The following BACH2 variants were observed in gnomAD, a reference collection of about 807,000 sequenced individuals.
BACH2 encodes the protein transcription regulator protein BACH2.
BACH2 carries 5 observed loss-of-function variants against 61.8 expected under a neutral mutation model. The observed-to-expected ratio is 0.08, with a 90% CI of 0.04 to 0.17. BACH2 has a LOEUF of 0.17. Among genes scored for constraint, BACH2 ranks in the 10% least tolerant of loss-of-function variants. The probability of loss-of-function intolerance (pLI) is 1.00; values close to 1 mark genes in which losing one functional copy is unlikely to be tolerated. For missense variants in BACH2, 824 were observed against 1,091.1 expected, an observed-to-expected ratio of 0.76 and a Z score of 3.45; for synonymous variants, 446 against 440.1, an observed-to-expected ratio of 1.01 and a Z score of -0.17.
In BACH2 at chr6:90,083,674, C is replaced by T. The variant is rs76545744; in HGVS notation, c.-13+5287G>A. ...GAGTGCTTAACATAAACAGAACATT[C>T]AACATTTAACCTCTGGCACTGGAAA... On this transcript the variant is annotated intron_variant, in intron 5 of 8. Transcript: ENST00000257749. Among the ~76,000 whole-genome samples, 885 of 152,174 alleles carry T rather than the reference C, an allele frequency of 5.8e-3. 51 individuals carry two copies. In the East Asian group the frequency reaches 0.13, roughly 23 times the overall value.
chr6:90,054,753 C>T (rs547677218), intron 5 of BACH2, among the ~76,000 whole-genome samples: 13 of 152,270 alleles, frequency 8.5e-5, no homozygotes, highest in South Asian at 2.1e-4. Flanking sequence ...CTCACACAGC[C>T]GGGTACTCCT....
At chr6:90,249,860 T>C (rs1304466517) in intron 3 of BACH2, among the ~76,000 whole-genome samples, 1 of 152,206 alleles carries the variant, frequency 6.6e-6, no homozygotes, top group Non-Finnish European at 1.5e-5. Context: ...ACCAAGAATT[T>C]GTATTTGTTC....
chr6:90,044,421 C>A (rs564644262), intron 5 of BACH2, among the ~76,000 whole-genome samples: 3 of 152,126 alleles, frequency 2.0e-5, no homozygotes, highest in African/African-American at 7.2e-5. Flanking sequence ...TAGTGGCCAG[C>A]GAAAGCTGCA....
chr6:90,271,643 G>A (rs918156371), intron 2 of BACH2, among the ~76,000 whole-genome samples: 1 of 152,166 alleles, frequency 6.6e-6, no homozygotes, highest in South Asian at 2.1e-4. Context: ...AAGAAAAAAT[G>A]CTCAACATCT....
At chr6:90,282,604 G>A (rs1310791266) in intron 1 of BACH2, among the ~76,000 whole-genome samples, 5 of 151,882 alleles carry the variant, frequency 3.3e-5, no homozygotes, top group Admixed American at 2.6e-4. Context: ...GAATAGTGCC[G>A]CAACGAACAT....
chr6:90,295,423 A>G (rs536482531), intron 1 of BACH2, among the ~76,000 whole-genome samples: 14 of 152,110 alleles, frequency 9.2e-5, no homozygotes, highest in Middle Eastern at 6.8e-3. Flanking sequence ...GCTTGGCCAG[A>G]CCGAGGTCGC....
At chr6:90,030,112 C>G (rs1315114074) in intron 5 of BACH2, among the ~76,000 whole-genome samples, 3 of 152,200 alleles carry the variant, frequency 2.0e-5, no homozygotes, top group Admixed American at 6.5e-5. Flanking sequence ...GCTGTTCTCT[C>G]CTGGTAAAAG....
chr6:90,067,261 G>A (rs1332454487), intron 5 of BACH2, among the ~76,000 whole-genome samples: 3 of 152,170 alleles, frequency 2.0e-5, no homozygotes, highest in East Asian at 1.9e-4. Flanking sequence ...GATAAAAGAC[G>A]GAGCCCCTCT....
At chr6:90,124,684 A>C (rs1783773809) in intron 4 of BACH2, among the ~76,000 whole-genome samples, 1 of 152,196 alleles carries the variant, frequency 6.6e-6, no homozygotes. Flanking sequence ...TCATTTGATG[A>C]TCATTTCTAG....
intron 4 of BACH2, among the ~76,000 whole-genome samples, chr6:90,196,546 G>A (rs537510381): frequency 6.6e-5 from 10 of 152,048 alleles, no homozygotes; most frequent in Admixed American, 2.0e-4. Context: ...CCCAAATGCC[G>A]TAATCCCAGC....
intron 5 of BACH2, among the ~76,000 whole-genome samples, chr6:90,024,280 A>T (rs1778525221): frequency 1.3e-5 from 2 of 152,188 alleles, no homozygotes; most frequent in Non-Finnish European, 2.9e-5. Context: ...AAATGAAAAA[A>T]AACACACCCA....
intron 4 of BACH2, among the ~76,000 whole-genome samples, chr6:90,147,886 A>G (rs912409668): frequency 1.3e-5 from 2 of 152,214 alleles, no homozygotes; most frequent in African/African-American, 4.8e-5. Flanking sequence ...GAATGGCATG[A>G]ATTACCCAAA....
At chr6:90,061,814 C>T (rs557437235) in intron 5 of BACH2, among the ~76,000 whole-genome samples, 3 of 152,198 alleles carry the variant, frequency 2.0e-5, no homozygotes, top group South Asian at 2.1e-4. Flanking sequence ...GAGGAAGATG[C>T]GGCAACAAGG....
intron 5 of BACH2, among the ~76,000 whole-genome samples, chr6:90,057,262 T>C (rs1456123844): frequency 1.3e-5 from 2 of 152,106 alleles, no homozygotes; most frequent in East Asian, 1.9e-4. Context: ...AAGAATCAAA[T>C]AGACGCAATA....
chr6:90,104,288 G>A (rs1782803454), intron 4 of BACH2: 1 of 152,264 alleles, frequency 6.6e-6, no homozygotes, highest in Non-Finnish European at 1.5e-5. Flanking sequence ...GCTTGAAGGA[G>A]AGGCTGAACC....
intron 3 of BACH2, among the ~76,000 whole-genome samples, chr6:90,209,786 G>A (rs147504918): frequency 2.0e-4 from 30 of 152,154 alleles, no homozygotes; most frequent in African/African-American, 6.5e-4. Flanking sequence ...CGCCCCAACT[G>A]TTCTTATGTC....
intron 1 of BACH2, among the ~76,000 whole-genome samples, chr6:90,296,045 C>T (rs1467027675): frequency 6.6e-6 from 1 of 151,942 alleles, no homozygotes. Context: ...GCCGGGACAC[C>T]CGGGCCTCGC....
rs916600545 is a variant in BACH2, at chr6:89,927,526, G to A, written c.*4882C>T. The A allele has an allele frequency of 1.3e-5, 2 of 152,792 alleles. No homozygotes were observed. The highest frequency in any genetic ancestry group is 4.8e-5 in the African/African-American group (2 of 41,460). 9.5% of individuals were successfully genotyped at this position (152,792 alleles called of 1,614,324 possible). On this transcript the variant is annotated 3_prime_UTR_variant, in exon 9 of 9. Transcript: ENST00000257749. Reference sequence around the variant, plus strand: ...ACTTCTGCTTCTAAGAAGGGCCAGTGTTTTATCTGAGGTCAATAAACTGGA... The same window carrying A: ...ACTTCTGCTTCTAAGAAGGGCCAGTATTTTATCTGAGGTCAATAAACTGGA...
At chr6:90,092,291 A>AAAT in intron 4 of BACH2, among the ~76,000 whole-genome samples, 50 of 113,836 alleles carry the variant, frequency 4.4e-4, no homozygotes, top group Non-Finnish European at 6.6e-4. Flanking sequence ...AAAAAAAAAA[A>AAAT]ATATATATAT....
Sources: gnomAD v4.1 joint callset for allele counts (sites outside exome capture counted in the v4.1 genomes callset) on GRCh38, gnomAD v4.1.1 for gene constraint, MANE v1.5 for transcripts, NCBI Gene and HGNC (gene_info 2026-07-23, HGNC 2026-07-21) for gene names.